The following ATG101 variants were observed in gnomAD, a reference collection of about 807,000 sequenced individuals.
ATG101 encodes the protein autophagy-related protein 101.
A neutral mutation model predicts 16.7 loss-of-function variants in ATG101; 6 were observed. The observed-to-expected ratio is 0.36, with a 90% CI of 0.20 to 0.71. The LOEUF (loss-of-function observed/expected upper bound fraction) is 0.71. Ranked by LOEUF, ATG101 falls within the 30% of genes least tolerant of loss-of-function variation. ATG101 has a pLI of 0.57. For missense variants in ATG101, 200 were observed against 292.5 expected (o/e 0.68, Z 2.31); for synonymous variants, 108 against 118.1 (o/e 0.91, Z 0.56).
rs768488569 is a variant in ATG101, at chr12:52,076,869, C to T, written c.336C>T (p.Phe112=). The change falls in exon 4 of 4, where the codon TTC becomes TTT. Residue 112 remains phenylalanine, a synonymous_variant. Transcript: ENST00000336854. ...AGAAGAAGAAGTCTCGCTGGCCATT[C>T]TCAGACGAGTGCATCCCATGGGAAG... ...FYQKKKSRWP[F]SDECIPWEVW... 4 of 1,614,196 alleles carry T rather than the reference C, an allele frequency of 2.5e-6. No homozygotes were observed. The highest frequency in any genetic ancestry group is 3.4e-6 in the Non-Finnish European group (4 of 1,180,034).
At chr12:52,071,520 A>G (rs1397057878) in intron 2 of ATG101, 1 of 152,228 alleles carries the variant, frequency 6.6e-6, no homozygotes, top group African/African-American at 2.4e-5. Context: ...GCACTAAGAG[A>G]CAGATTCTTC....
At chr12:52,071,998 T>TA (rs1172251959) in intron 2 of ATG101, among the ~76,000 whole-genome samples, 9 of 152,222 alleles carry the variant, frequency 5.9e-5, no homozygotes, top group African/African-American at 1.9e-4. Flanking sequence ...TCAAGTCTCT[T>TA]GTTCTCTCCT....
upstream of ATG101, chr12:52,069,870 T>G (rs961924461): frequency 5.9e-5 from 9 of 152,020 alleles, no homozygotes; most frequent in Non-Finnish European, 1.0e-4. Context: ...ACTACGCGGA[T>G]GTTGTGGGCG....
chr12:52,077,034 G>A lies in ATG101; in HGVS notation c.501G>A (p.Lys167=). Residue 167 remains lysine (K), a synonymous_variant, in exon 4 of 4, where the codon AAG becomes AAA. Transcript: ENST00000336854. ...TGAATCGGCATGAGTACTTGCCCAA[G>A]ATGCCCACACAGTCGGAGGTGGATA... ...EVMNRHEYLP[K]MPTQSEVDNV... is the part of the protein sequence containing the mutation. 6.2e-7 allele frequency: 1 copy of A among 1,614,190 alleles called. No homozygotes were observed. Among genetic ancestry groups the A allele is most frequent in the Non-Finnish European group, 8.5e-7 (1 of 1,180,044 alleles).
upstream of ATG101, among the ~76,000 whole-genome samples, chr12:52,068,609 A>C (rs1939577524): frequency 6.6e-6 from 1 of 152,040 alleles, no homozygotes; most frequent in African/African-American, 2.4e-5. Flanking sequence ...CTCTGTCCTA[A>C]GCCTTCCAAA....
At position 52,076,996 on chromosome 12, in the gene ATG101, A is replaced by G. The variant is rs538167284; in HGVS notation, c.463A>G (p.Ile155Val). 7 of 1,614,080 alleles carry G rather than the reference A, an allele frequency of 4.3e-6. No homozygotes were observed. In the South Asian group the frequency reaches 6.6e-5, roughly 15 times the overall value. The change falls in exon 4 of 4, where the codon ATC (isoleucine) becomes GTC (valine). Residue 155 changes from isoleucine (I) to valine (V), a missense_variant. By Grantham distance (29) the Ile-to-Val change is conservative. Transcript: ENST00000336854. ...GAAACTCTGCGAGAAGATCATCAAC[A>G]TCGTGGAGGTGATGAATCGGCATGA... is the stretch of plus-strand genomic sequence containing the variant. ...GEKLCEKIIN[I>V]VEVMNRHEYL...
At chr12:52,075,401 C>G (rs780792221) in intron 3 of ATG101, among the ~76,000 whole-genome samples, 25 of 152,302 alleles carry the variant, frequency 1.6e-4, no homozygotes, top group Non-Finnish European at 2.9e-4. Context: ...CTCAAAATTG[C>G]AATAATAATC....
upstream of ATG101, among the ~76,000 whole-genome samples, chr12:52,068,612 C>T (rs1368637956): frequency 2.0e-5 from 3 of 152,060 alleles, no homozygotes; most frequent in African/African-American, 7.2e-5. Flanking sequence ...TGTCCTAAGC[C>T]TTCCAAAATG....
At chr12:52,066,355 A>T (rs1939549293), upstream of ATG101, among the ~76,000 whole-genome samples, 1 of 152,168 alleles carries the variant, frequency 6.6e-6, no homozygotes, top group Admixed American at 6.5e-5. Context: ...AGTTCCCCTT[A>T]CTCACTGAAG....
At position 52,077,318 on chromosome 12, in the gene ATG101, G is replaced by T. The variant is rs775247514; in HGVS notation, c.*128G>T. On this transcript the variant is annotated 3_prime_UTR_variant, in exon 4 of 4. Coordinates refer to ENST00000336854, the MANE Select transcript of ATG101 (RefSeq NM_021934.5). ...GTGAGACTTGGAAGGGGCAGCCCCC[G>T]CTGGCTTCTTGGTTTTGTGGTTGCC... 2 of 1,108,254 alleles carry T rather than the reference G, an allele frequency of 1.8e-6. No individual in the cohort carries two copies. The highest frequency in any genetic ancestry group is 1.3e-6 in the Non-Finnish European group (1 of 793,836). 68.7% of individuals were successfully genotyped at this position (1,108,254 alleles called of 1,614,324 possible).
chr12:52,067,839 A>T (rs181560948), upstream of ATG101, among the ~76,000 whole-genome samples: 11 of 149,760 alleles, frequency 7.3e-5, no homozygotes, highest in East Asian at 2.2e-3. Context: ...CAAATGATCC[A>T]CCTGCCTCGG....
chr12:52,071,036 A>G (rs900973667), intron 2 of ATG101: 4 of 152,234 alleles, frequency 2.6e-5, no homozygotes, highest in Non-Finnish European at 5.9e-5. Flanking sequence ...TTACCATTAT[A>G]GTGATGAATG....
chr12:52,069,023 T>A (rs1171956936), upstream of ATG101, among the ~76,000 whole-genome samples: 954 of 55,558 alleles, frequency 0.017, no homozygotes, highest in East Asian at 0.039. Context: ...AAAAAAAAAA[T>A]ACTGCCTCCT....
intron 2 of ATG101, among the ~76,000 whole-genome samples, chr12:52,072,784 T>A (rs1475388917): frequency 2.6e-5 from 4 of 152,108 alleles, no homozygotes; most frequent in Admixed American, 2.0e-4. Flanking sequence ...GTATTTTTGT[T>A]TTTTTTGAGA....
upstream of ATG101, among the ~76,000 whole-genome samples, chr12:52,068,761 C>T (rs1464676986): frequency 6.6e-6 from 1 of 151,822 alleles, no homozygotes; most frequent in Non-Finnish European, 1.5e-5. Flanking sequence ...CCGAGGCGGG[C>T]AGATCACGAG....
intron 2 of ATG101, 150 bp downstream of exon 2, chr12:52,070,633 A>G (rs560287799): frequency 6.6e-6 from 1 of 152,512 alleles, no homozygotes; most frequent in Non-Finnish European, 1.5e-5. Context: ...GCAGGGGACA[A>G]CAAGGTTTTC....
upstream of ATG101, among the ~76,000 whole-genome samples, chr12:52,066,246 A>G (rs983484870): frequency 6.6e-6 from 1 of 152,224 alleles, no homozygotes; most frequent in Non-Finnish European, 1.5e-5. Context: ...TGATGGTGTC[A>G]TTGCAGTCTT....
At position 52,073,680 on chromosome 12, in the gene ATG101, G is replaced by C. The variant is rs780312290; in HGVS notation, c.30G>C (p.Val10=). Residue 10 remains valine (V), a synonymous_variant, in exon 3 of 4, where the codon GTG becomes GTC. Coordinates refer to ENST00000336854, the MANE Select transcript of ATG101 (RefSeq NM_021934.5). The part of the protein sequence containing the change: MNCRSEVLE[V]SVEGRQVEEA... ...ACTGTCGCTCGGAGGTGCTGGAGGT[G>C]TCGGTGGAGGGGCGGCAGGTGGAGG... is the stretch of plus-strand genomic sequence containing the variant. 6.2e-7 allele frequency: 1 copy of C among 1,614,058 alleles called. No homozygotes were observed. The highest frequency in any genetic ancestry group is 8.5e-7 in the Non-Finnish European group (1 of 1,179,936).
In ATG101 at chr12:52,077,433, C is replaced by A; in HGVS notation, c.*243C>A. On this transcript the variant is annotated 3_prime_UTR_variant, in exon 4 of 4. Coordinates refer to ENST00000336854, the MANE Select transcript of ATG101 (RefSeq NM_021934.5). ...CCCTGGTGGGGTCCCCCTTCTTTCTCCACTGTACAGAAGAGCCACCACTGG... is the reference window on the plus strand; with the variant it reads ...CCCTGGTGGGGTCCCCCTTCTTTCTACACTGTACAGAAGAGCCACCACTGG... 1.8e-6 allele frequency: 1 copy of A among 558,862 alleles called. No individual in the cohort carries two copies. The highest frequency in any genetic ancestry group is 3.2e-6 in the Non-Finnish European group (1 of 313,818). The allele number at this position is 558,862 out of a possible 1,614,324, so 34.6% of individuals were successfully genotyped here.
Sources: allele counts gnomAD v4.1 joint callset (sites outside exome capture counted in the v4.1 genomes callset), GRCh38; gene constraint gnomAD v4.1.1; transcripts MANE v1.5; gene names NCBI Gene and HGNC (gene_info 2026-07-23, HGNC 2026-07-21).